Variants in BRINP3 observed in about 807,000 individuals in gnomAD.
BRINP3 encodes the protein BMP/retinoic acid inducible neural specific 3, also known as BMP/retinoic acid-inducible neural-specific protein 3.
A neutral mutation model predicts 71.0 loss-of-function variants in BRINP3; 19 were observed. That is an observed-to-expected ratio of 0.27 (90% CI 0.19 to 0.39). BRINP3 has a LOEUF of 0.39. Among genes scored for constraint, BRINP3 ranks in the 10% least tolerant of loss-of-function variants. The pLI, the probability that BRINP3 is intolerant of heterozygous loss-of-function variation, is 1.00. For synonymous variants in BRINP3, 380 were observed against 337.7 expected (o/e 1.13, Z -1.37); for missense variants, 959 against 940.8 (o/e 1.02, Z -0.25).
intron 5 of BRINP3, among the ~76,000 whole-genome samples, chr1:190,230,635 A>C (rs1657882140): frequency 6.6e-6 from 1 of 151,858 alleles, no homozygotes; most frequent in Admixed American, 6.6e-5. Flanking sequence ...AAGATATACA[A>C]ATATAAAAAA....
At chr1:190,408,455 ATTG>A (rs1284488967) in intron 2 of BRINP3, among the ~76,000 whole-genome samples, 1 of 152,052 alleles carries the variant, frequency 6.6e-6, no homozygotes, top group Non-Finnish European at 1.5e-5. Context: ...AAAACATTTT[ATTG>A]TTGTTGTTTT....
chr1:190,375,628 A>T lies in BRINP3; in HGVS notation c.236+79027T>A, dbSNP rs749885551. 3.9e-4 allele frequency among the ~76,000 whole-genome samples: 59 copies of T among 151,956 alleles called. 1 individual carries two copies. The highest frequency in any genetic ancestry group is 4.6e-4 in the Admixed American group (7 of 15,254). On this transcript the variant is annotated intron_variant, in intron 2 of 7. Transcript: ENST00000367462. ...ACACATATGAACAGGCAGTTATATA[A>T]ATTGAGTCACAAGTTCATCACCTCA...
chr1:190,290,796 G>T (rs1033821717), intron 2 of BRINP3, among the ~76,000 whole-genome samples: 3 of 152,000 alleles, frequency 2.0e-5, no homozygotes, highest in African/African-American at 7.2e-5. Flanking sequence ...GAATCTAGGG[G>T]GTGAGACCTC....
chr1:190,136,245 ATAAT>A (rs1409487163), intron 7 of BRINP3, among the ~76,000 whole-genome samples: 1 of 152,252 alleles, frequency 6.6e-6, no homozygotes, highest in South Asian at 2.1e-4. Flanking sequence ...TTTTAAAAAG[ATAAT>A]TAATACATCC....
chr1:190,149,746 T>A (rs1656222296), intron 7 of BRINP3, among the ~76,000 whole-genome samples: 1 of 152,062 alleles, frequency 6.6e-6, no homozygotes, highest in African/African-American at 2.4e-5. Flanking sequence ...TTCCTGCTTA[T>A]ATGAGCTAAT....
Position 190,098,740 on chromosome 1 carries a change from G to T in BRINP3, c.1579C>A (p.Pro527Thr). 1 of 1,614,192 alleles carries T rather than the reference G, an allele frequency of 6.2e-7. No individual in the cohort carries two copies. Among genetic ancestry groups the T allele is most frequent in the South Asian group, 1.1e-5 (1 of 91,088 alleles). ...AGGAGCATCCGCTTACGCCAGGAGG[G>T]ATCAAACCAGCTATTGAGGCGCATG... ...NDMRLNSWFD[P>T]SWRKRMLLTL... The change falls in exon 8 of 8, where the codon CCC becomes ACC. Residue 527 changes from proline to threonine, a missense_variant. Physicochemically the swap from Pro to Thr is conservative, Grantham distance 38. Transcript: ENST00000367462.
In BRINP3 at chr1:190,438,298, T is replaced by C. The variant is rs181115886; in HGVS notation, c.236+16357A>G. On this transcript the variant is annotated intron_variant, in intron 2 of 7. Transcript: ENST00000367462. ...AAAACTATAAAAATAACTAAAATAT[T>C]ATACAAGATAATCTCAAATATTATT... 4.6e-5 allele frequency among the ~76,000 whole-genome samples: 7 copies of C among 151,636 alleles called. 1 individual carries two copies. Among genetic ancestry groups the C allele is most frequent in the Admixed American group, 3.9e-4 (6 of 15,208 alleles).
At chr1:190,160,327 G>A (rs1470625535) in intron 7 of BRINP3, among the ~76,000 whole-genome samples, 2 of 151,820 alleles carry the variant, frequency 1.3e-5, no homozygotes, top group African/African-American at 4.8e-5. Flanking sequence ...CATCCTGTTT[G>A]TTTCCTAGGC....
At chr1:190,246,858 G>C (rs184125262) in intron 4 of BRINP3, among the ~76,000 whole-genome samples, 1 of 151,962 alleles carries the variant, frequency 6.6e-6, no homozygotes, top group East Asian at 1.9e-4. Flanking sequence ...TCTATTATCA[G>C]TGAAGAAACC....
In BRINP3 at chr1:190,210,149, T is replaced by C. The variant is rs559080667; in HGVS notation, c.961+15933A>G. Among the ~76,000 whole-genome samples, 173 of 152,248 alleles carry C rather than the reference T, an allele frequency of 1.1e-3. 3 individuals carry two copies. The South Asian group carries it at 0.018, about 15-fold the overall frequency. On this transcript the variant is annotated intron_variant, in intron 6 of 7. Transcript: ENST00000367462. Reference sequence around the variant, plus strand: ...TATTGATAACCCTTGTCATGGCTTCTAAGAGTTTGTGTTTGATGTGAATAA... The same window carrying C: ...TATTGATAACCCTTGTCATGGCTTCCAAGAGTTTGTGTTTGATGTGAATAA...
chr1:190,395,664 T>C (rs929054244), intron 2 of BRINP3, among the ~76,000 whole-genome samples: 2 of 151,778 alleles, frequency 1.3e-5, no homozygotes, highest in Admixed American at 1.3e-4. Context: ...TAACTGTGTA[T>C]TTGATTACAA....
rs115449166 is a variant in BRINP3 at position 190,438,765 on chromosome 1, C to T, written c.236+15890G>A. Among the ~76,000 whole-genome samples, 63 of 151,884 alleles carry T rather than the reference C, an allele frequency of 4.1e-4. 1 individual carries two copies. The highest frequency in any genetic ancestry group is 7.8e-4 in the Non-Finnish European group (53 of 67,778). On this transcript the variant is annotated intron_variant, in intron 2 of 7. Transcript: ENST00000367462. The stretch of plus-strand genomic sequence containing the variant: ...TTACCCTTGACAATAAGGAGAAAGG[C>T]ACTAACCAAGGAAGAGTAAATGTTC...
intron 2 of BRINP3, among the ~76,000 whole-genome samples, chr1:190,391,768 A>T (rs892571494): frequency 6.6e-6 from 1 of 151,734 alleles, no homozygotes; most frequent in East Asian, 1.9e-4. Context: ...CGATGTTACA[A>T]AACGAGGCTT....
chr1:190,126,005 G>A (rs1311222675), intron 7 of BRINP3, among the ~76,000 whole-genome samples: 2 of 149,146 alleles, frequency 1.3e-5, no homozygotes, highest in Admixed American at 1.3e-4. Context: ...CCTAACATAA[G>A]TGTGAAAAAT....
At chr1:190,323,359 G>A (rs1198864482) in intron 2 of BRINP3, among the ~76,000 whole-genome samples, 1 of 151,850 alleles carries the variant, frequency 6.6e-6, no homozygotes. Context: ...CCAAAATGAT[G>A]ACTTGATTTT....
At chr1:190,109,291 C>T (rs571987565) in intron 7 of BRINP3, among the ~76,000 whole-genome samples, 4 of 152,108 alleles carry the variant, frequency 2.6e-5, no homozygotes, top group African/African-American at 9.6e-5. Context: ...AATACCTGTT[C>T]AAACAAAAAT....
rs144319793 is a variant in BRINP3, at chr1:190,324,232, C to T, written c.237-42482G>A. Among the ~76,000 whole-genome samples the T allele has an allele frequency of 9.9e-5, 15 of 151,370 alleles. No individual in the cohort carries two copies. The East Asian group carries it at 1.4e-3, about 14-fold the overall frequency. ...TAGCTATACAACGTGTGTGTTGTCT[C>T]GGAACACGAAAGCTCAATGAGAAAG... is the stretch of plus-strand genomic sequence containing the variant. On this transcript the variant is annotated intron_variant, in intron 2 of 7. Transcript: ENST00000367462.
intron 2 of BRINP3, among the ~76,000 whole-genome samples, chr1:190,368,093 C>T (rs1669624465): frequency 6.6e-6 from 1 of 152,116 alleles, no homozygotes; most frequent in African/African-American, 2.4e-5. Context: ...TTTGTCCATT[C>T]TTACACTGCT....
chr1:190,410,744 C>T (rs1672610528), intron 2 of BRINP3, among the ~76,000 whole-genome samples: 1 of 151,888 alleles, frequency 6.6e-6, no homozygotes, highest in Non-Finnish European at 1.5e-5. Context: ...TAACAAAGTG[C>T]AATGCAGCTA....
Sources: gnomAD v4.1 joint callset for allele counts (sites outside exome capture counted in the v4.1 genomes callset) on GRCh38, gnomAD v4.1.1 for gene constraint, MANE v1.5 for transcripts, NCBI Gene and HGNC (gene_info 2026-07-23, HGNC 2026-07-21) for gene names.